Variants in AK9 observed in about 807,000 individuals in gnomAD.
AK9 encodes the protein adenylate kinase 9.
AK9 carries 191 observed loss-of-function variants against 239.6 expected under a neutral mutation model. The observed-to-expected ratio is 0.80, with a 90% CI of 0.71 to 0.90. The LOEUF (loss-of-function observed/expected upper bound fraction) is 0.90, where lower values mean the gene tolerates loss of function less well. AK9 is among the 40% of genes least tolerant of loss of function. AK9 has a pLI of 0.00. For missense variants in AK9, 1,995 were observed against 2,214.7 expected, an observed-to-expected ratio of 0.90 and a Z score of 1.99; for synonymous variants, 689 against 721.0, an observed-to-expected ratio of 0.96 and a Z score of 0.71.
chr6:109,603,374 C>T (rs924924054), intron 17 of AK9, among the ~76,000 whole-genome samples: 1 of 152,314 alleles, frequency 6.6e-6, no homozygotes, highest in Non-Finnish European at 1.5e-5. Flanking sequence ...GCAGCGGAGG[C>T]TGCAGTACAG....
intron 27 of AK9, among the ~76,000 whole-genome samples, chr6:109,537,180 T>C: frequency 6.6e-6 from 1 of 152,184 alleles, no homozygotes; most frequent in Non-Finnish European, 1.5e-5. Flanking sequence ...GAAGGATTGG[T>C]ACCAGCTCCT....
At chr6:109,519,256 T>A (rs1032198252) in intron 29 of AK9, among the ~76,000 whole-genome samples, 1 of 152,222 alleles carries the variant, frequency 6.6e-6, no homozygotes, top group African/African-American at 2.4e-5. Context: ...TTTGCTATTG[T>A]GAATAGGGCT....
intron 39 of AK9, 149 bp downstream of exon 39, chr6:109,495,189 A>G (rs1052332179): frequency 3.6e-5 from 21 of 581,848 alleles, no homozygotes; most frequent in Middle Eastern, 4.8e-4. Context: ...TAACCACTAC[A>G]TATAAACAAA....
intron 24 of AK9, among the ~76,000 whole-genome samples, chr6:109,560,629 T>C (rs1785632788): frequency 1.3e-5 from 2 of 152,234 alleles, no homozygotes; most frequent in Non-Finnish European, 2.9e-5. Flanking sequence ...GGTCATGGTG[T>C]ATTATTCTTT....
At chr6:109,580,914 G>T (rs74298497) in intron 19 of AK9, among the ~76,000 whole-genome samples, 52,142 of 151,078 alleles carry the variant, frequency 0.35, 9,436 homozygotes, top group South Asian at 0.44. Flanking sequence ...GTTTTTTTTT[G>T]TGTTTTTTTG....
At chr6:109,563,273 T>C (rs1786013682) in intron 24 of AK9, among the ~76,000 whole-genome samples, 1 of 152,206 alleles carries the variant, frequency 6.6e-6, no homozygotes, top group Non-Finnish European at 1.5e-5. Flanking sequence ...TACTCCTAAC[T>C]GAGAACACTG....
intron 17 of AK9, among the ~76,000 whole-genome samples, chr6:109,599,253 A>G (rs1347940930): frequency 6.6e-6 from 1 of 152,044 alleles, no homozygotes; most frequent in Non-Finnish European, 1.5e-5. Context: ...ATTTTTGTAT[A>G]AGGTGTAAGG....
chr6:109,619,041 G>A (rs1020306410), intron 13 of AK9, 51 bp downstream of exon 13: 10 of 1,500,988 alleles, frequency 6.7e-6, no homozygotes, highest in Admixed American at 2.4e-5. Context: ...CAAGTAGCCC[G>A]GCTTAATTTT....
intron 39 of AK9, 89 bp from the exon 40 acceptor site, chr6:109,494,184 C>G (rs1776803482): frequency 1.1e-6 from 1 of 899,214 alleles, no homozygotes; most frequent in Non-Finnish European, 1.7e-6. Flanking sequence ...AATATTATTT[C>G]TTTGCCTCAA....
chr6:109,505,105 C>A (rs765111146), intron 35 of AK9, among the ~76,000 whole-genome samples: 8 of 152,210 alleles, frequency 5.3e-5, no homozygotes, highest in Non-Finnish European at 1.2e-4. Context: ...GCCTTATGAT[C>A]TTTAGGTGAA....
chr6:109,569,378 T>G (rs554258398), intron 21 of AK9, among the ~76,000 whole-genome samples: 1 of 152,130 alleles, frequency 6.6e-6, no homozygotes, highest in Non-Finnish European at 1.5e-5. Context: ...GGGCAAGGAC[T>G]TCATGACTAA....
chr6:109,512,252 T>A (rs1306067484), intron 32 of AK9, among the ~76,000 whole-genome samples: 2 of 152,188 alleles, frequency 1.3e-5, no homozygotes, highest in Non-Finnish European at 1.5e-5. Flanking sequence ...CCATGACAGT[T>A]TACAAATGCC....
intron 23 of AK9, 146 bp from the exon 24 acceptor site, chr6:109,563,858 C>T (rs1786113671): frequency 1.1e-5 from 13 of 1,172,654 alleles, no homozygotes; most frequent in Non-Finnish European, 1.5e-5. Flanking sequence ...TTTATAAGTT[C>T]CTTACGTGAC....
intron 21 of AK9, among the ~76,000 whole-genome samples, chr6:109,570,264 A>G (rs1303728473): frequency 6.6e-6 from 1 of 151,240 alleles, no homozygotes; most frequent in Non-Finnish European, 1.5e-5. Flanking sequence ...GGAGCATCAC[A>G]CACTGGAGCC....
chr6:109,528,372 T>G (rs1273985443), intron 29 of AK9: 6 of 361,366 alleles, frequency 1.7e-5, no homozygotes, highest in African/African-American at 6.4e-5. Context: ...TGCTCATGGC[T>G]GATTTGCCAG....
In AK9 at chr6:109,573,504, C is replaced by T. The variant is rs780627284; in HGVS notation, c.2282G>A (p.Arg761Gln). The T allele has an allele frequency of 1.8e-5, 28 of 1,551,268 alleles. No homozygotes were observed. Among genetic ancestry groups the T allele is most frequent in the South Asian group, 8.3e-5 (7 of 84,026 alleles). The change falls in exon 21 of 41, where the codon CGA becomes CAA. Residue 761 changes from arginine (R) to glutamine (Q), a missense_variant. By Grantham distance (43) the Arg-to-Gln change is conservative (BLOSUM62 1). Coordinates refer to ENST00000424296, the MANE Select transcript of AK9 (RefSeq NM_001145128.3). Reference protein sequence around the residue: ...HEEPEASHDTRGSWLPEEFEA... With the variant: ...HEEPEASHDTQGSWLPEEFEA... ...AAACTCCTCAGGTAACCATGACCCT[C>T]GGGTATCGTGAGATGCCTCAGGCTC...
intron 8 of AK9, among the ~76,000 whole-genome samples, chr6:109,655,539 C>T (rs572114561): frequency 2.6e-5 from 4 of 152,186 alleles, no homozygotes; most frequent in South Asian, 2.1e-4. Context: ...GTGCATTTAA[C>T]GAAATTGAAG....
chr6:109,569,873 G>T (rs182666612), intron 21 of AK9, among the ~76,000 whole-genome samples: 4 of 152,150 alleles, frequency 2.6e-5, no homozygotes, highest in South Asian at 4.1e-4. Flanking sequence ...ACAATGGGGC[G>T]ATTCCTCAAG....
chr6:109,688,801 A>T (rs1484491545), intron 1 of AK9, among the ~76,000 whole-genome samples: 1 of 152,176 alleles, frequency 6.6e-6, no homozygotes, highest in African/African-American at 2.4e-5. Context: ...AAAGCTCATA[A>T]GGAGTTATTG....
Sources: gnomAD v4.1 joint callset for allele counts (sites outside exome capture counted in the v4.1 genomes callset) on GRCh38, gnomAD v4.1.1 for gene constraint, MANE v1.5 for transcripts, NCBI Gene and HGNC (gene_info 2026-07-23, HGNC 2026-07-21) for gene names.